ITPRID2: variants seen among roughly 807,000 people sequenced by gnomAD.
ITPRID2 encodes the protein ITPR interacting domain containing 2.
A neutral mutation model predicts 124.3 loss-of-function variants in ITPRID2; 60 were observed. The observed-to-expected ratio is 0.48, with a 90% CI of 0.39 to 0.60. ITPRID2 has a LOEUF of 0.60. Among genes scored for constraint, ITPRID2 ranks in the 20% least tolerant of loss-of-function variants. The pLI, the probability that ITPRID2 is intolerant of heterozygous loss-of-function variation, is 0.00. For synonymous variants in ITPRID2, 521 were observed against 542.9 expected (o/e 0.96, Z 0.56); for missense variants, 1,553 against 1,512.2 (o/e 1.03, Z -0.45).
Position 181,892,063 on chromosome 2 carries a change from G to A in ITPRID2, c.-4G>A. On this transcript the variant is annotated 5_prime_UTR_variant, in exon 1 of 18. Transcript: ENST00000431877. The surrounding 1 kb of genome is among the most constrained non-coding windows in gnomAD (Gnocchi z 5.2). ...GCTGGGGTAGCGGAGCCCCCAGTGC[G>A]GCCATGGACCGGCCCCTGTCGTCGT... 1.3e-6 allele frequency: 2 copies of A among 1,549,294 alleles called. No individual in the cohort carries two copies. Among genetic ancestry groups the A allele is most frequent in the Non-Finnish European group, 1.7e-6 (2 of 1,147,350 alleles).
intron 16 of ITPRID2, among the ~76,000 whole-genome samples, chr2:181,927,733 C>CA (rs1486912975): frequency 2.6e-5 from 4 of 152,114 alleles, no homozygotes; most frequent in Non-Finnish European, 5.9e-5. Context: ...GGCAGTATAC[C>CA]TGTATACTAT....
At chr2:181,921,325 A>G (rs1035265624) in intron 15 of ITPRID2, among the ~76,000 whole-genome samples, 3 of 152,112 alleles carry the variant, frequency 2.0e-5, no homozygotes, top group Non-Finnish European at 4.4e-5. Flanking sequence ...TAAAAATACA[A>G]AAATTAGCTG....
Position 181,898,859 on chromosome 2 carries a change from GTTTA to G in ITPRID2, c.365-18_365-15del. 6.3e-7 allele frequency: 1 copy of G among 1,577,084 alleles called. No individual in the cohort carries two copies. Among genetic ancestry groups the G allele is most frequent in the African/African-American group, 1.4e-5 (1 of 73,962 alleles). On this transcript the variant is annotated splice_polypyrimidine_tract_variant and intron_variant, in intron 4 of 17. Coordinates refer to ENST00000431877, the MANE Select transcript of ITPRID2 (RefSeq NM_001130445.3). ...AGTCCTACTAACAATTGTGCTCTACGTTTATTGTTTTTACCTGTAGCCAACCACC... is the reference window on the plus strand; with the variant it reads ...AGTCCTACTAACAATTGTGCTCTACGTTGTTTTTACCTGTAGCCAACCACC...
Position 181,919,319 on chromosome 2 carries a change from G to A in ITPRID2, c.3017G>A (p.Gly1006Asp). The A allele has an allele frequency of 6.2e-7, 1 of 1,614,114 alleles. No homozygotes were observed. Among genetic ancestry groups the A allele is most frequent in the Non-Finnish European group, 8.5e-7 (1 of 1,180,030 alleles). ...AGGTTTGAAGTTGATCAGCTCCAGG[G>A]TTTGAGAAATTCAGTCCGAATGGAA... ...EERFEVDQLQGLRNSVRMELQ... is the reference protein window; with the variant it reads ...EERFEVDQLQDLRNSVRMELQ... The change falls in exon 14 of 18, where the codon GGT becomes GAT. Residue 1006 changes from glycine to aspartate, a missense_variant. By Grantham distance (94) the Gly-to-Asp change is moderately conservative. Transcript: ENST00000431877. The surrounding 1 kb of genome is among the most constrained non-coding windows in gnomAD (Gnocchi z 4.2).
At chr2:181,900,927 ATATTATTT>A (rs765829545) in intron 7 of ITPRID2, 23 bp downstream of exon 7, 5 of 1,553,088 alleles carry the variant, frequency 3.2e-6, no homozygotes, top group Non-Finnish European at 4.4e-6. Flanking sequence ...AGTGTTAGGC[ATATTATTT>A]TCTTAAATTA....
In ITPRID2 at chr2:181,918,756, A is replaced by G. The variant is rs1432846541; in HGVS notation, c.2867A>G (p.Asn956Ser). The change falls in exon 13 of 18, where the codon AAT becomes AGT. Residue 956 changes from asparagine (N) to serine (S), a missense_variant and splice_region_variant. Asn to Ser is a conservative substitution (Grantham distance 46, BLOSUM62 1). Transcript: ENST00000431877. ...TAATTTTGTTATATTGCATTCTAGA[A>G]TACTTTTCAGGAGCTCCAGGTAATG... ...QKSSVLPLYE[N>S]TFQELQVMRR... 2 of 1,613,970 alleles carry G rather than the reference A, an allele frequency of 1.2e-6. No individual in the cohort carries two copies. The highest frequency in any genetic ancestry group is 3.3e-5 in the Admixed American group (2 of 59,988).
At position 181,897,707 on chromosome 2, in the gene ITPRID2, AAAC is replaced by A. The variant is rs201750773; in HGVS notation, c.364+746_364+748del. Among the ~76,000 whole-genome samples, 44 of 152,130 alleles carry A rather than the reference AAAC, an allele frequency of 2.9e-4. 1 individual carries two copies. In the East Asian group the frequency reaches 4.0e-3, roughly 14 times the overall value. ...TTATTAATGTGTACTTTTTTAAAAA[AAAC>A]AAGGATTTTTAAAAAGTCTTTAAAG... On this transcript the variant is annotated intron_variant, in intron 4 of 17. Transcript: ENST00000431877.
At chr2:181,895,884 A>G (rs1415300620) in intron 2 of ITPRID2, 146 bp from the exon 3 acceptor site, 3 of 682,988 alleles carry the variant, frequency 4.4e-6, no homozygotes, top group African/African-American at 1.8e-5. Flanking sequence ...TATGTAATCT[A>G]CTTGCATTCC....
At chr2:181,915,099 A>C (rs1343175945) in intron 10 of ITPRID2, 117 bp from the exon 11 acceptor site, 2 of 1,198,224 alleles carry the variant, frequency 1.7e-6, no homozygotes, top group Admixed American at 2.3e-5. Context: ...GAGCAACAGC[A>C]GGGCCACAAC....
At chr2:181,923,295 A>G (rs1256276794) in intron 16 of ITPRID2, among the ~76,000 whole-genome samples, 1 of 152,242 alleles carries the variant, frequency 6.6e-6, no homozygotes, top group African/African-American at 2.4e-5. Context: ...TAAATTGTAC[A>G]TAAGCAAATG....
chr2:181,891,858 CA>C lies in ITPRID2; in HGVS notation c.-208del, dbSNP rs1361637764. 2 of 338,286 alleles carry C rather than the reference CA, an allele frequency of 5.9e-6. No homozygotes were observed. The highest frequency in any genetic ancestry group is 4.6e-5 in the African/African-American group (2 of 43,496). 21.0% of individuals were successfully genotyped at this position (338,286 alleles called of 1,614,324 possible). A position where few individuals can be genotyped will look rare whatever the true frequency, so the allele number is the denominator to read the frequency against. ...GCTCCCGCGCGCGCCCGGCCGCCTT[CA>C]TGTGAAGCGCCGGCCCTCCGCCCCT... On this transcript the variant is annotated 5_prime_UTR_variant, in exon 1 of 18. It removes an upstream start codon present in the reference 5' UTR. Coordinates refer to ENST00000431877, the MANE Select transcript of ITPRID2 (RefSeq NM_001130445.3).
At chr2:181,903,491 A>G (rs914758908) in intron 8 of ITPRID2, among the ~76,000 whole-genome samples, 5 of 152,196 alleles carry the variant, frequency 3.3e-5, no homozygotes, top group African/African-American at 7.2e-5. Context: ...ATGTCCTCTT[A>G]GGTGAGTGTC....
intron 2 of ITPRID2, chr2:181,893,746 G>A (rs1219151146): frequency 1.3e-5 from 2 of 152,172 alleles, no homozygotes; most frequent in Non-Finnish European, 2.9e-5. Flanking sequence ...CAATCTAGCT[G>A]TAAATCAATC....
chr2:181,920,347 C>T (rs146005212), intron 14 of ITPRID2, among the ~76,000 whole-genome samples: 6 of 152,184 alleles, frequency 3.9e-5, no homozygotes, highest in East Asian at 3.9e-4. Flanking sequence ...ATGTTGGTGA[C>T]GGGAGAACTA....
chr2:181,928,352 A>G (rs146425377), intron 17 of ITPRID2, 74 bp downstream of exon 17: 6 of 922,364 alleles, frequency 6.5e-6, no homozygotes, highest in Non-Finnish European at 9.7e-6. Context: ...TTTTGTTAGT[A>G]TACAGGTTTG....
Position 181,918,846 on chromosome 2 carries a change from AAACCATGGTT to A in ITPRID2, c.2958_2967del (p.Gln986HisfsTer5), listed in dbSNP as rs746810594. ...TTAGAATTGGCAATGCTGCGTCAGC[AAACCATGGTT>A]TATCATCATATGACTGAGGAGGAGA... On this transcript the variant is annotated frameshift_variant, in exon 13 of 18. Coordinates refer to ENST00000431877, the MANE Select transcript of ITPRID2 (RefSeq NM_001130445.3). LOFTEE classifies it high-confidence loss of function. The A allele has an allele frequency of 6.2e-7, 1 of 1,614,204 alleles. No individual in the cohort carries two copies. Among genetic ancestry groups the A allele is most frequent in the Admixed American group, 1.7e-5 (1 of 60,028 alleles).
At chr2:181,915,137 G>A in intron 10 of ITPRID2, 79 bp from the exon 11 acceptor site, 2 of 1,481,866 alleles carry the variant, frequency 1.3e-6, no homozygotes, top group South Asian at 1.3e-5. Flanking sequence ...AATTATAGAA[G>A]CACCATGTTG....
At chr2:181,922,516 T>G in intron 16 of ITPRID2, 104 bp downstream of exon 16, 1 of 1,093,984 alleles carries the variant, frequency 9.1e-7, no homozygotes, top group South Asian at 1.8e-5. Flanking sequence ...TTCACTGTAT[T>G]CAATAATTTT....
rs1304643272 is a variant in ITPRID2, at chr2:181,916,344, T to C, written c.2704T>C (p.Ser902Pro). ...TGCCACCTACCCTTACCGAGTGTGC[T>C]CTGTGAATCCTCCTTCAGCCATAGA... ...RHATYPYRVCSVNPPSAIEMQ... is the reference protein window; with the variant it reads ...RHATYPYRVCPVNPPSAIEMQ... The change falls in exon 11 of 18, where the codon TCT (serine) becomes CCT (proline). Residue 902 changes from serine to proline, a missense_variant. By Grantham distance (74) the Ser-to-Pro change is moderately conservative (BLOSUM62 -1). Transcript: ENST00000431877. 2 of 1,614,132 alleles carry C rather than the reference T, an allele frequency of 1.2e-6. No homozygotes were observed. Among genetic ancestry groups the C allele is most frequent in the Middle Eastern group, 1.6e-4 (1 of 6,084 alleles).
Sources: allele counts gnomAD v4.1 joint callset (sites outside exome capture counted in the v4.1 genomes callset), GRCh38; gene constraint gnomAD v4.1.1; non-coding constraint Gnocchi (gnomAD v3.1); transcripts MANE v1.5; gene names NCBI Gene and HGNC (gene_info 2026-07-23, HGNC 2026-07-21).